PDS5A: variants seen among roughly 807,000 people sequenced by gnomAD.
The protein encoded by PDS5A is PDS5 cohesin associated factor A.
A neutral mutation model predicts 167.1 loss-of-function variants in PDS5A; 42 were observed. The observed-to-expected ratio is 0.25, with a 90% confidence interval of 0.20 to 0.33. The LOEUF (loss-of-function observed/expected upper bound fraction) is 0.33, where lower values mean the gene tolerates loss of function less well. Ranked by LOEUF, PDS5A falls within the 10% of genes least tolerant of loss-of-function variation. PDS5A has a pLI of 1.00. For synonymous variants in PDS5A, 553 were observed against 554.6 expected, an observed-to-expected ratio of 1.00 and a Z score of 0.04; for missense variants, 1,033 against 1,605.9, an observed-to-expected ratio of 0.64 and a Z score of 6.10.
intron 6 of PDS5A, 111 bp from the exon 7 acceptor site, chr4:39,920,510 C>T: frequency 2.3e-6 from 1 of 427,362 alleles, no homozygotes; most frequent in East Asian, 3.9e-5. Context: ...TTTTGCTTCA[C>T]TAAAATATGA....
chr4:39,844,651 G>C lies in PDS5A; in HGVS notation c.3548+5C>G. On this transcript the variant is annotated splice_donor_5th_base_variant and intron_variant, in intron 30 of 32. Transcript: ENST00000303538. ...AGTAACAAAATAATTGGAGAGAAAA[G>C]TTGCCTTGATCGATTTCCGGTTGAA... The C allele has an allele frequency of 6.2e-7, 1 of 1,602,270 alleles. No homozygotes were observed. The highest frequency in any genetic ancestry group is 8.5e-7 in the Non-Finnish European group (1 of 1,176,144).
At chr4:39,867,904 G>T (rs1180352759) in intron 22 of PDS5A, among the ~76,000 whole-genome samples, 2 of 151,912 alleles carry the variant, frequency 1.3e-5, no homozygotes, top group African/African-American at 4.8e-5. Flanking sequence ...CAAAAAAATG[G>T]GATTTTGTGT....
intron 2 of PDS5A, among the ~76,000 whole-genome samples, chr4:39,957,458 C>A (rs1729029251): frequency 6.6e-6 from 1 of 152,098 alleles, no homozygotes; most frequent in Non-Finnish European, 1.5e-5. Context: ...TGACTATAAT[C>A]TCAGCAACAA....
intron 17 of PDS5A, among the ~76,000 whole-genome samples, chr4:39,882,356 C>T (rs1040448029): frequency 2.0e-5 from 3 of 152,130 alleles, no homozygotes; most frequent in African/African-American, 7.2e-5. Flanking sequence ...TCAAGTATTT[C>T]CTCCCAGTCT....
At chr4:39,920,731 C>T (rs1724881125) in intron 6 of PDS5A, among the ~76,000 whole-genome samples, 1 of 152,194 alleles carries the variant, frequency 6.6e-6, no homozygotes, top group Admixed American at 6.5e-5. Context: ...TGTAAACTGA[C>T]AACTACACCC....
chr4:39,832,292 C>A (rs1578564876), intron 32 of PDS5A, among the ~76,000 whole-genome samples: 1 of 151,648 alleles, frequency 6.6e-6, no homozygotes, highest in East Asian at 2.0e-4. Flanking sequence ...CTGCTCACTG[C>A]AAGCTCCGCC....
intron 2 of PDS5A, among the ~76,000 whole-genome samples, chr4:39,937,956 T>C (rs558675290): frequency 6.6e-6 from 1 of 152,278 alleles, no homozygotes; most frequent in Admixed American, 6.5e-5. Context: ...TCTCCATACA[T>C]AGTGAGCTGT....
At chr4:39,944,110 C>T (rs372560559) in intron 2 of PDS5A, among the ~76,000 whole-genome samples, 34 of 137,742 alleles carry the variant, frequency 2.5e-4, no homozygotes, top group African/African-American at 8.2e-4. Context: ...CCCAGGAAGG[C>T]GGAGCTTGCA....
At chr4:39,909,566 C>A (rs1417039120) in intron 10 of PDS5A, among the ~76,000 whole-genome samples, 1 of 152,122 alleles carries the variant, frequency 6.6e-6, no homozygotes, top group African/African-American at 2.4e-5. Flanking sequence ...GGCAATTTAG[C>A]TGACAGGTAT....
chr4:39,889,116 G>A (rs1016431043), intron 17 of PDS5A, among the ~76,000 whole-genome samples: 2 of 152,154 alleles, frequency 1.3e-5, no homozygotes, highest in Non-Finnish European at 2.9e-5. Flanking sequence ...CCTTTAAAGA[G>A]ATAATCAAGG....
At chr4:39,903,982 A>AT (rs759323289) in intron 12 of PDS5A, 58 bp downstream of exon 12, 3 of 978,692 alleles carry the variant, frequency 3.1e-6, no homozygotes, top group Non-Finnish European at 4.3e-6. Context: ...TTAAATAGAC[A>AT]TTTTTTAAGT....
intron 2 of PDS5A, among the ~76,000 whole-genome samples, chr4:39,961,314 T>G (rs1396307442): frequency 6.6e-6 from 1 of 152,188 alleles, no homozygotes; most frequent in Non-Finnish European, 1.5e-5. Context: ...ATTTATTTTT[T>G]TTGAGATGGA....
intron 31 of PDS5A, among the ~76,000 whole-genome samples, chr4:39,839,992 G>A (rs1331419809): frequency 6.6e-6 from 1 of 152,080 alleles, no homozygotes; most frequent in African/African-American, 2.4e-5. Flanking sequence ...TACTCAGGAG[G>A]CTGAGGCAGG....
chr4:39,959,502 C>T (rs1284540129), intron 2 of PDS5A, among the ~76,000 whole-genome samples: 1 of 152,054 alleles, frequency 6.6e-6, no homozygotes, highest in Non-Finnish European at 1.5e-5. Flanking sequence ...AGGTGCACAC[C>T]ACCACACCCA....
rs572908867 is a variant in PDS5A at position 39,965,054 on chromosome 4, C to G, written c.138+11386G>C. On this transcript the variant is annotated intron_variant, in intron 2 of 32. Coordinates refer to ENST00000303538, the MANE Select transcript of PDS5A (RefSeq NM_001100399.2). ...ACTAATCATGGCTACAAATTCTTTCCTGCTTCTATTGAGAGGTAAGGCTCA... is the reference window on the plus strand; with the variant it reads ...ACTAATCATGGCTACAAATTCTTTCGTGCTTCTATTGAGAGGTAAGGCTCA... Among the ~76,000 whole-genome samples, 13 of 152,252 alleles carry G rather than the reference C, an allele frequency of 8.5e-5. No homozygotes were observed. In the South Asian group the frequency reaches 2.1e-3, roughly 24 times the overall value.
chr4:39,902,191 C>A (rs1194816756), intron 13 of PDS5A, among the ~76,000 whole-genome samples, 156 bp downstream of exon 13: 1 of 152,212 alleles, frequency 6.6e-6, no homozygotes, highest in Non-Finnish European at 1.5e-5. Context: ...ATAACCTGAA[C>A]ATAAATCGTA....
chr4:39,908,475 T>C lies in PDS5A; in HGVS notation c.1153A>G (p.Ile385Val). ...GCCAGGTCCCTCTTGGCAGCTGTTA[T>C]TATAGTAACAATGACATCATGACGA... ...AIRHDVIVTI[I>V]TAAKRDLALV... Residue 385 changes from isoleucine (I) to valine (V), a missense_variant, in exon 11 of 33, where the codon ATA becomes GTA. Around this residue, in one of 4 missense-constraint regions of PDS5A, gnomAD observed 388 missense variants for 615.1 expected, o/e 0.63. Coordinates refer to ENST00000303538, the MANE Select transcript of PDS5A (RefSeq NM_001100399.2). 6.2e-7 allele frequency: 1 copy of C among 1,601,336 alleles called. No homozygotes were observed. The highest frequency in any genetic ancestry group is 8.6e-7 in the Non-Finnish European group (1 of 1,168,382).
intron 23 of PDS5A, among the ~76,000 whole-genome samples, chr4:39,866,609 T>C (rs1164456380): frequency 6.6e-6 from 1 of 152,210 alleles, no homozygotes; most frequent in Non-Finnish European, 1.5e-5. Context: ...CTAACTGTAA[T>C]AGTACAATAT....
At chr4:39,841,276 A>G (rs543139640) in intron 31 of PDS5A, among the ~76,000 whole-genome samples, 232 of 150,762 alleles carry the variant, frequency 1.5e-3, no homozygotes, top group Non-Finnish European at 2.8e-3. Flanking sequence ...AGTAGCTGAG[A>G]TTACAGGCGC....
Sources: gnomAD v4.1 joint callset for allele counts (sites outside exome capture counted in the v4.1 genomes callset) on GRCh38, gnomAD v4.1.1 for gene constraint, gnomAD v4.1.1 regional missense constraint, MANE v1.5 for transcripts, NCBI Gene and HGNC (gene_info 2026-07-23, HGNC 2026-07-21) for gene names.